RTN4RL1: variants seen among roughly 807,000 people sequenced by gnomAD.
RTN4RL1 encodes reticulon-4 receptor-like 1.
A neutral mutation model predicts 25.6 loss-of-function variants in RTN4RL1; 7 were observed. The observed-to-expected ratio is 0.27, with a 90% confidence interval of 0.16 to 0.51. The LOEUF is 0.51. Ranked by LOEUF, RTN4RL1 falls within the 20% of genes least tolerant of loss-of-function variation. The pLI is 0.97. For synonymous variants in RTN4RL1, 297 were observed against 288.2 expected, an observed-to-expected ratio of 1.03 and a Z score of -0.31; for missense variants, 500 against 615.6, an observed-to-expected ratio of 0.81 and a Z score of 1.99.
chr17:1,947,059 T>C (rs1225388850), intron 1 of RTN4RL1, among the ~76,000 whole-genome samples: 1 of 86,648 alleles, frequency 1.2e-5, no homozygotes, highest in African/African-American at 3.7e-5. Context: ...TCTGTGAATG[T>C]GTCTGTGTGT....
intron 1 of RTN4RL1, among the ~76,000 whole-genome samples, chr17:1,973,673 T>C (rs1388920401): frequency 6.6e-6 from 1 of 152,162 alleles, no homozygotes; most frequent in Non-Finnish European, 1.5e-5. Context: ...TTTCTGTCTC[T>C]GAGGCCTGGC....
chr17:1,978,159 C>T (rs2066851463), intron 1 of RTN4RL1, among the ~76,000 whole-genome samples: 1 of 152,224 alleles, frequency 6.6e-6, no homozygotes, highest in Admixed American at 6.5e-5. Context: ...GCTGCCAGGC[C>T]CTGCTGGGCT....
intron 1 of RTN4RL1, among the ~76,000 whole-genome samples, chr17:2,001,818 C>T (rs1282555953): frequency 6.6e-6 from 1 of 152,044 alleles, no homozygotes; most frequent in Non-Finnish European, 1.5e-5. Context: ...CGATGGGCTG[C>T]GGGAAGGGGT....
chr17:2,017,043 C>G (rs1199085186), intron 1 of RTN4RL1, among the ~76,000 whole-genome samples: 1 of 152,218 alleles, frequency 6.6e-6, no homozygotes, highest in Non-Finnish European at 1.5e-5. Flanking sequence ...CTCCATATCC[C>G]CATCATCCTA....
At chr17:1,991,063 T>G (rs1471278579) in intron 1 of RTN4RL1, among the ~76,000 whole-genome samples, 1 of 152,162 alleles carries the variant, frequency 6.6e-6, no homozygotes, top group Admixed American at 6.6e-5. Flanking sequence ...ATTAGTACCT[T>G]GCTCAGTGTA....
intron 1 of RTN4RL1, among the ~76,000 whole-genome samples, chr17:1,958,170 A>G (rs1307186374): frequency 6.6e-6 from 1 of 152,228 alleles, no homozygotes; most frequent in Non-Finnish European, 1.5e-5. Flanking sequence ...AGCCTGGGAG[A>G]CAAAGTGAGA....
intron 1 of RTN4RL1, among the ~76,000 whole-genome samples, chr17:1,986,613 G>A (rs118157976): frequency 2.0e-5 from 3 of 152,024 alleles, no homozygotes; most frequent in Admixed American, 6.5e-5. Flanking sequence ...GAACCCCCAC[G>A]GCCCCCAGAA....
At chr17:1,975,491 A>C (rs2066839115) in intron 1 of RTN4RL1, among the ~76,000 whole-genome samples, 1 of 152,022 alleles carries the variant, frequency 6.6e-6, no homozygotes, top group Non-Finnish European at 1.5e-5. Flanking sequence ...TCTCTACTAA[A>C]AATACAAAAA....
chr17:1,939,373 A>C (rs1446735499), intron 1 of RTN4RL1, among the ~76,000 whole-genome samples: 2 of 148,998 alleles, frequency 1.3e-5, no homozygotes, highest in Admixed American at 6.6e-5. Context: ...TAAATAAATA[A>C]ATAAATAAAT....
In RTN4RL1 at chr17:1,939,128, G is replaced by A. The variant is rs184470374; in HGVS notation, c.14-1320C>T. Among the ~76,000 whole-genome samples the A allele has an allele frequency of 1.3e-3, 198 of 151,876 alleles. 2 individuals are homozygous for A. In the East Asian group the frequency reaches 0.027, roughly 21 times the overall value. On this transcript the variant is annotated intron_variant, in intron 1 of 1. Transcript: ENST00000331238. ...AGCACTTTGGGAGGCCGAGGCGGGC[G>A]GATCACGAGGTCAGGAGATCGAGAC...
intron 1 of RTN4RL1, among the ~76,000 whole-genome samples, chr17:2,015,024 C>T (rs1382981505): frequency 6.6e-6 from 1 of 152,062 alleles, no homozygotes; most frequent in African/African-American, 2.4e-5. Flanking sequence ...GACAAGGGCA[C>T]AGGGCACTGT....
At chr17:1,976,810 A>G (rs1263198082) in intron 1 of RTN4RL1, among the ~76,000 whole-genome samples, 3 of 152,196 alleles carry the variant, frequency 2.0e-5, no homozygotes, top group Non-Finnish European at 4.4e-5. Flanking sequence ...CTTTGGGTGG[A>G]ACTCGGCTGG....
chr17:1,978,355 G>C (rs2066852361), intron 1 of RTN4RL1, among the ~76,000 whole-genome samples: 1 of 152,230 alleles, frequency 6.6e-6, no homozygotes, highest in African/African-American at 2.4e-5. Context: ...CCCTCTCCAG[G>C]ACCTGGGCTC....
intron 1 of RTN4RL1, among the ~76,000 whole-genome samples, chr17:1,964,475 G>C (rs568630773): frequency 7.0e-4 from 107 of 152,186 alleles, no homozygotes; most frequent in Middle Eastern, 3.4e-3. Flanking sequence ...GCTCACGCCT[G>C]TTATCCCAGC....
At chr17:1,988,499 T>C (rs1597229045) in intron 1 of RTN4RL1, among the ~76,000 whole-genome samples, 2 of 125,704 alleles carry the variant, frequency 1.6e-5, no homozygotes, top group Non-Finnish European at 3.3e-5. Flanking sequence ...AGAGAGAGAC[T>C]CTGTCTCAAA....
At chr17:1,954,844 G>A (rs1915758738) in intron 1 of RTN4RL1, among the ~76,000 whole-genome samples, 1 of 152,204 alleles carries the variant, frequency 6.6e-6, no homozygotes, top group Non-Finnish European at 1.5e-5. Context: ...ACCCCAGGTG[G>A]CCTTATTGTG....
At chr17:1,977,473 G>A (rs890931396) in intron 1 of RTN4RL1, among the ~76,000 whole-genome samples, 3 of 152,146 alleles carry the variant, frequency 2.0e-5, no homozygotes, top group African/African-American at 7.2e-5. Context: ...ATCCCCCTGA[G>A]GATGACTTTC....
chr17:1,958,328 C>T (rs1025777069), intron 1 of RTN4RL1, among the ~76,000 whole-genome samples: 40 of 152,220 alleles, frequency 2.6e-4, no homozygotes, highest in Admixed American at 6.5e-4. Context: ...CACAGAGACC[C>T]CTCTCCCAGC....
chr17:1,963,062 T>C (rs1361083805), intron 1 of RTN4RL1, among the ~76,000 whole-genome samples: 1 of 152,062 alleles, frequency 6.6e-6, no homozygotes, highest in Admixed American at 6.6e-5. Context: ...CTCTGCCTCC[T>C]GAGTAGTTGG....
Sources: allele counts gnomAD v4.1 joint callset (sites outside exome capture counted in the v4.1 genomes callset), GRCh38; gene constraint gnomAD v4.1.1; transcripts MANE v1.5; gene names NCBI Gene and HGNC (gene_info 2026-07-23, HGNC 2026-07-21).